FRYL: variants seen among roughly 807,000 people sequenced by gnomAD.
FRYL encodes protein furry homolog-like.
In FRYL, 150 loss-of-function variants were observed where a neutral mutation model predicts 351.2. The ratio of observed to expected loss-of-function variants is 0.43; its 90% CI spans 0.37 to 0.49. The LOEUF is 0.49. Ranked by LOEUF, FRYL falls within the 20% of genes least tolerant of loss-of-function variation. FRYL has a pLI of 0.00. For missense variants in FRYL, 3,036 were observed against 3,619.3 expected (o/e 0.84, Z 4.13); for synonymous variants, 1,153 against 1,257.1 (o/e 0.92, Z 1.75).
intron 2 of FRYL, among the ~76,000 whole-genome samples, chr4:48,706,019 TAG>T (rs1166454665): frequency 6.6e-6 from 1 of 152,164 alleles, no homozygotes; most frequent in South Asian, 2.1e-4. Context: ...GTATTTTTAG[TAG>T]AGACAGGGTT....
At chr4:48,593,858 T>C in intron 16 of FRYL, 72 bp downstream of exon 16, 1 of 644,794 alleles carries the variant, frequency 1.6e-6, no homozygotes, top group Non-Finnish European at 2.4e-6. Flanking sequence ...AACCTAAGAG[T>C]TCTGATTCCA....
intron 1 of FRYL, among the ~76,000 whole-genome samples, chr4:48,735,315 GA>G: frequency 3.9e-5 from 1 of 25,872 alleles, no homozygotes. Context: ...AAAAAGTCAG[GA>G]AACAACAGGT....
chr4:48,558,981 C>T (rs1219961559), intron 33 of FRYL, among the ~76,000 whole-genome samples: 1 of 152,178 alleles, frequency 6.6e-6, no homozygotes, highest in African/African-American at 2.4e-5. Context: ...TAGAACTTGG[C>T]TCTGGAATTG....
chr4:48,661,462 T>C (rs750512438), intron 3 of FRYL, among the ~76,000 whole-genome samples: 16 of 152,142 alleles, frequency 1.1e-4, no homozygotes, highest in Middle Eastern at 3.2e-3. Flanking sequence ...CAAACCACAG[T>C]AGAGGTCCCC....
intron 33 of FRYL, among the ~76,000 whole-genome samples, chr4:48,561,227 T>C (rs1057262217): frequency 6.6e-6 from 1 of 152,110 alleles, no homozygotes; most frequent in African/African-American, 2.4e-5. Context: ...TTCTTTTTGA[T>C]GGAGTAGGGA....
At chr4:48,669,879 C>T (rs774518270) in intron 3 of FRYL, among the ~76,000 whole-genome samples, 4 of 151,808 alleles carry the variant, frequency 2.6e-5, no homozygotes, top group Non-Finnish European at 4.4e-5. Flanking sequence ...CTTTGGGAGG[C>T]AGTCTAAAAA....
rs758697495 is a variant in FRYL at position 48,573,223 on chromosome 4, T to C, written c.2867A>G (p.His956Arg). The C allele has an allele frequency of 6.2e-7, 1 of 1,611,542 alleles. No individual in the cohort carries two copies. The highest frequency in any genetic ancestry group is 8.5e-7 in the Non-Finnish European group (1 of 1,177,674). Reference sequence around the variant, plus strand: ...TTCGAGTGCTTCTTTAATTATGGGATGTAATTCCTCTATTAGTTCCCTGGA... The same window carrying C: ...TTCGAGTGCTTCTTTAATTATGGGACGTAATTCCTCTATTAGTTCCCTGGA... Reference protein sequence around the residue: ...GAFRELIEELHPIIKEALERR... With the variant: ...GAFRELIEELRPIIKEALERR... The change falls in exon 26 of 64, where the codon CAT (histidine) becomes CGT (arginine). Residue 956 changes from histidine to arginine, a missense_variant. This residue lies in a region of FRYL where 492 missense variants were observed against 551.5 expected (regional missense o/e 0.89). Transcript: ENST00000358350.
chr4:48,516,292 A>C (rs1196654505), intron 55 of FRYL, among the ~76,000 whole-genome samples: 7 of 152,202 alleles, frequency 4.6e-5, no homozygotes, highest in African/African-American at 1.7e-4. Flanking sequence ...TATCCACCGT[A>C]ATGTTACTGA....
rs1718695692 is a variant in FRYL at position 48,497,488 on chromosome 4, T to G, written c.*1934A>C. ...TAATTTTGTTCTTTTCTAGGGCAAT[T>G]CAAGAAGGTAACATTTGAAAGGTTT... On this transcript the variant is annotated 3_prime_UTR_variant, in exon 64 of 64. Coordinates refer to ENST00000358350, the MANE Select transcript of FRYL (RefSeq NM_015030.2). 6.6e-6 allele frequency: 1 copy of G among 152,656 alleles called. No homozygotes were observed. The highest frequency in any genetic ancestry group is 6.5e-5 in the Admixed American group (1 of 15,288). The allele number at this position is 152,656 out of a possible 1,614,324, so 9.5% of individuals were successfully genotyped here. A position where few individuals can be genotyped will look rare whatever the true frequency, so the allele number is the denominator to read the frequency against.
chr4:48,542,819 C>T, intron 44 of FRYL, among the ~76,000 whole-genome samples: 1 of 152,162 alleles, frequency 6.6e-6, no homozygotes, highest in Non-Finnish European at 1.5e-5. Context: ...GACTCTTAAC[C>T]TCCTGCCCTC....
At chr4:48,699,030 T>G (rs909674494) in intron 2 of FRYL, among the ~76,000 whole-genome samples, 1 of 152,210 alleles carries the variant, frequency 6.6e-6, no homozygotes, top group Non-Finnish European at 1.5e-5. Context: ...TACTTCATTT[T>G]AACCCAAACC....
intron 1 of FRYL, among the ~76,000 whole-genome samples, chr4:48,712,150 A>G (rs1768133695): frequency 6.6e-6 from 1 of 152,334 alleles, no homozygotes; most frequent in Non-Finnish European, 1.5e-5. Context: ...AAACTCTAAA[A>G]AGCAGGGCAC....
chr4:48,665,791 C>T (rs182548327), intron 3 of FRYL, among the ~76,000 whole-genome samples: 11 of 152,268 alleles, frequency 7.2e-5, no homozygotes, highest in African/African-American at 2.2e-4. Context: ...CCAGGGTGTA[C>T]GGAGACCTCT....
At chr4:48,682,621 A>G (rs544352483) in intron 3 of FRYL, among the ~76,000 whole-genome samples, 2 of 152,342 alleles carry the variant, frequency 1.3e-5, no homozygotes, top group African/African-American at 4.8e-5. Flanking sequence ...ATGAACAGAC[A>G]CTTCTCAAAA....
At chr4:48,628,132 C>A (rs1297038308) in intron 4 of FRYL, among the ~76,000 whole-genome samples, 9 of 152,108 alleles carry the variant, frequency 5.9e-5, no homozygotes, top group Non-Finnish European at 1.5e-5. Context: ...CTATGTAACT[C>A]ATCACAAACA....
chr4:48,681,541 A>G (rs2138866), intron 3 of FRYL, among the ~76,000 whole-genome samples: 149,811 of 152,260 alleles, frequency 0.98, 73,734 homozygotes, highest in East Asian at 1. Flanking sequence ...CGTGTAAAAC[A>G]GCAACTTGTA....
At chr4:48,579,998 A>G (rs1212054896) in intron 22 of FRYL, among the ~76,000 whole-genome samples, 1 of 152,132 alleles carries the variant, frequency 6.6e-6, no homozygotes, top group African/African-American at 2.4e-5. Context: ...GTACAATTGT[A>G]TCTATTTAAA....
chr4:48,653,596 C>A, intron 3 of FRYL: 1 of 542,126 alleles, frequency 1.8e-6, no homozygotes, highest in South Asian at 2.0e-5. Context: ...AAATATTCTT[C>A]ATGCTATTTT....
intron 3 of FRYL, among the ~76,000 whole-genome samples, chr4:48,683,518 T>A (rs1195600728): frequency 6.6e-6 from 1 of 152,122 alleles, no homozygotes; most frequent in Non-Finnish European, 1.5e-5. Context: ...TCAACTAGTC[T>A]TCATTTATTT....
Sources: gnomAD v4.1 joint callset for allele counts (sites outside exome capture counted in the v4.1 genomes callset) on GRCh38, gnomAD v4.1.1 for gene constraint, gnomAD v4.1.1 regional missense constraint, MANE v1.5 for transcripts, NCBI Gene and HGNC (gene_info 2026-07-23, HGNC 2026-07-21) for gene names.